NREP: variants seen among roughly 807,000 people sequenced by gnomAD.
NREP encodes neuronal regeneration-related protein.
NREP carries 5 observed loss-of-function variants against 8.6 expected under a neutral mutation model. That is an observed-to-expected ratio of 0.58 (90% CI 0.30 to 1.22). The LOEUF is 1.22. Ranked by LOEUF, NREP falls within the 50% of genes most tolerant of loss-of-function variation. The pLI, the probability that NREP is intolerant of heterozygous loss-of-function variation, is 0.07. For synonymous variants in NREP, 27 were observed against 28.0 expected (o/e 0.96, Z 0.11); for missense variants, 86 against 82.5 (o/e 1.04, Z -0.17).
intron 2 of NREP, among the ~76,000 whole-genome samples, chr5:111,936,632 G>A (rs1755690507): frequency 6.6e-6 from 1 of 152,040 alleles, no homozygotes; most frequent in Admixed American, 6.6e-5. Flanking sequence ...GTATTTTAGT[G>A]TAACAGTATT....
intron 2 of NREP, among the ~76,000 whole-genome samples, chr5:111,775,043 T>A (rs932944709): frequency 6.6e-5 from 10 of 152,098 alleles, no homozygotes; most frequent in Non-Finnish European, 1.2e-4. Flanking sequence ...CAGTAATAGT[T>A]TGATTTTGTT....
chr5:111,960,431 C>T (rs1756447764), intron 2 of NREP, among the ~76,000 whole-genome samples: 1 of 152,134 alleles, frequency 6.6e-6, no homozygotes, highest in African/African-American at 2.4e-5. Context: ...TTTAATTCCA[C>T]AGAGAGGACT....
At chr5:111,920,985 T>C (rs1490311372) in intron 2 of NREP, among the ~76,000 whole-genome samples, 1 of 152,156 alleles carries the variant, frequency 6.6e-6, no homozygotes, top group East Asian at 1.9e-4. Context: ...AGAGCTTTCC[T>C]TCCTTATCTG....
At chr5:111,920,997 G>C (rs753569256) in intron 2 of NREP, among the ~76,000 whole-genome samples, 2 of 152,098 alleles carry the variant, frequency 1.3e-5, no homozygotes, top group African/African-American at 2.4e-5. Flanking sequence ...CCTTATCTGT[G>C]TTTGCAGCCT....
intron 2 of NREP, among the ~76,000 whole-genome samples, chr5:111,815,877 C>A (rs909832801): frequency 6.6e-6 from 1 of 152,104 alleles, no homozygotes; most frequent in Non-Finnish European, 1.5e-5. Context: ...CAAGACACCA[C>A]ACGTAAGATA....
intron 2 of NREP, among the ~76,000 whole-genome samples, chr5:111,853,757 A>G (rs976094511): frequency 6.6e-6 from 1 of 152,066 alleles, no homozygotes; most frequent in Non-Finnish European, 1.5e-5. Context: ...AAGAAAAGGC[A>G]ACAGAGGGTG....
chr5:111,804,699 G>GAAA (rs58906379), intron 2 of NREP, among the ~76,000 whole-genome samples: 2 of 147,042 alleles, frequency 1.4e-5, no homozygotes, highest in Non-Finnish European at 1.5e-5. Context: ...GAGAATAAGA[G>GAAA]AAAAAAAAAA....
In NREP at chr5:111,894,532, T is replaced by C. The variant is rs76686716; in HGVS notation, c.135+80742A>G. 4.1e-3 allele frequency among the ~76,000 whole-genome samples: 621 copies of C among 152,222 alleles called. 3 individuals carry two copies. The highest frequency in any genetic ancestry group is 0.014 in the African/African-American group (569 of 41,532). ...GGAGACTCCTATCATTTTCTCTAAA[T>C]TTGATCTCTCGAGTCAAACCAAATG... On this transcript the variant is annotated intron_variant, in intron 2 of 3. Coordinates refer to the NREP transcript ENST00000395634.
At chr5:111,729,174 C>G (rs990356466), downstream of NREP, 2 of 152,168 alleles carry the variant, frequency 1.3e-5, no homozygotes, top group Non-Finnish European at 2.9e-5. Flanking sequence ...AGAGCTGATT[C>G]TCTCTCTTTT....
chr5:111,879,190 G>T (rs1160099563), intron 2 of NREP, among the ~76,000 whole-genome samples: 1 of 152,008 alleles, frequency 6.6e-6, no homozygotes, highest in Non-Finnish European at 1.5e-5. Context: ...CCCCCCTTTT[G>T]CCTACTGCCG....
chr5:111,938,641 T>C (rs1241380719), intron 2 of NREP, among the ~76,000 whole-genome samples: 2 of 152,026 alleles, frequency 1.3e-5, no homozygotes, highest in African/African-American at 4.8e-5. Flanking sequence ...ATGCCGGGGA[T>C]AATATCATGT....
chr5:111,805,491 T>C (rs554201522), intron 2 of NREP, among the ~76,000 whole-genome samples: 1 of 152,222 alleles, frequency 6.6e-6, no homozygotes, highest in African/African-American at 2.4e-5. Context: ...GCTAAAAATA[T>C]TGAGGAATAC....
intron 2 of NREP, among the ~76,000 whole-genome samples, chr5:111,776,920 C>A (rs1751374692): frequency 6.7e-6 from 1 of 149,264 alleles, no homozygotes; most frequent in African/African-American, 2.5e-5. Flanking sequence ...AAGATTGGTG[C>A]ACTATATACA....
At chr5:111,874,058 AG>A (rs1277183834) in intron 2 of NREP, among the ~76,000 whole-genome samples, 17 of 152,144 alleles carry the variant, frequency 1.1e-4, no homozygotes, top group African/African-American at 4.1e-4. Flanking sequence ...GGGTGGGGAA[AG>A]GAAGTTGTTG....
Position 111,768,697 on chromosome 5 carries a change from C to T in NREP, c.136-33190G>A, listed in dbSNP as rs544072567. ...TATGTTACTGCAAAGGACATGATTT[C>T]ATTTTTTATGGCTGTGTAGTATTCT... is the stretch of plus-strand genomic sequence containing the variant. On this transcript the variant is annotated intron_variant, in intron 2 of 3. Transcript: ENST00000395634. Among the ~76,000 whole-genome samples the T allele has an allele frequency of 3.3e-5, 5 of 152,248 alleles. No homozygotes were observed. In the South Asian group the frequency reaches 1.0e-3, roughly 32 times the overall value.
At chr5:111,798,846 T>G (rs1039013552) in intron 2 of NREP, among the ~76,000 whole-genome samples, 3 of 151,992 alleles carry the variant, frequency 2.0e-5, no homozygotes, top group African/African-American at 7.2e-5. Flanking sequence ...TTTAAGCTGG[T>G]TCCATATTTT....
At chr5:111,795,313 T>G (rs1751850818) in intron 2 of NREP, among the ~76,000 whole-genome samples, 1 of 152,184 alleles carries the variant, frequency 6.6e-6, no homozygotes, top group Middle Eastern at 3.2e-3. Context: ...GTGATTCCTG[T>G]AGGAAACTTC....
At chr5:111,798,815 C>G (rs915447576) in intron 2 of NREP, among the ~76,000 whole-genome samples, 3 of 150,082 alleles carry the variant, frequency 2.0e-5, no homozygotes, top group African/African-American at 7.4e-5. Flanking sequence ...GTTTCTTTAT[C>G]CACTCATTGA....
At chr5:111,768,241 A>G (rs951004490) in intron 2 of NREP, among the ~76,000 whole-genome samples, 4 of 152,220 alleles carry the variant, frequency 2.6e-5, no homozygotes, top group Non-Finnish European at 4.4e-5. Flanking sequence ...CAGGGGGTCA[A>G]CAGTGGTAGC....
Sources: allele counts gnomAD v4.1 joint callset (sites outside exome capture counted in the v4.1 genomes callset), GRCh38; gene constraint gnomAD v4.1.1; transcripts MANE v1.5; gene names NCBI Gene and HGNC (gene_info 2026-07-23, HGNC 2026-07-21).